The following SLC9B1 variants were observed in gnomAD, a reference collection of about 807,000 sequenced individuals.
SLC9B1 encodes sodium/hydrogen exchanger 9B1.
A neutral mutation model predicts 51.7 loss-of-function variants in SLC9B1; 32 were observed. The ratio of observed to expected loss-of-function variants is 0.62; its 90% CI spans 0.47 to 0.83. The LOEUF is 0.83. Among genes scored for constraint, SLC9B1 ranks in the 40% least tolerant of loss-of-function variants. The probability of loss-of-function intolerance (pLI) is 0.00; values close to 1 mark genes in which losing one functional copy is unlikely to be tolerated. For missense variants in SLC9B1, 406 were observed against 613.2 expected (o/e 0.66, Z 3.57); for synonymous variants, 145 against 212.7 (o/e 0.68, Z 2.77).
intron 3 of SLC9B1, chr4:102,962,838 T>C (rs1051295441): frequency 4.2e-6 from 2 of 473,254 alleles, no homozygotes; most frequent in Non-Finnish European, 8.8e-6. Flanking sequence ...TGGAAGTGGA[T>C]CAAACAATAC....
At chr4:102,938,084 G>A (rs1213084236) in intron 6 of SLC9B1, among the ~76,000 whole-genome samples, 3 of 152,146 alleles carry the variant, frequency 2.0e-5, no homozygotes, top group Non-Finnish European at 2.9e-5. Context: ...AGAATGGCAA[G>A]TTGGATAAAG....
At chr4:102,965,822 A>T (rs1578386731) in intron 3 of SLC9B1, among the ~76,000 whole-genome samples, 1 of 152,206 alleles carries the variant, frequency 6.6e-6, no homozygotes, top group Non-Finnish European at 1.5e-5. Flanking sequence ...TCCAAGATAC[A>T]ATGGTGGAAT....
intron 11 of SLC9B1, chr4:102,888,340 T>G (rs1451105353): frequency 6.6e-6 from 1 of 152,156 alleles, no homozygotes; most frequent in Non-Finnish European, 1.5e-5. Context: ...CTGCCCATAC[T>G]CAAGTCCCAC....
At chr4:102,992,318 C>T (rs764111526) in intron 1 of SLC9B1, among the ~76,000 whole-genome samples, 1 of 152,034 alleles carries the variant, frequency 6.6e-6, no homozygotes, top group Admixed American at 6.5e-5. Context: ...CCTCTGTAAT[C>T]TTTGCTAGCT....
At position 102,967,365 on chromosome 4, in the gene SLC9B1, C is replaced by T. The variant is rs139217769; in HGVS notation, c.212-17938G>A. 5.7e-3 allele frequency among the ~76,000 whole-genome samples: 869 copies of T among 152,336 alleles called. 7 individuals are homozygous for T. The highest frequency in any genetic ancestry group is 0.018 in the African/African-American group (768 of 41,572). ...AAATAGCAACATCCCACTCTCAGTACAAATTTTCTGTCTTAGTCCGTTTTG... is the reference window on the plus strand; with the variant it reads ...AAATAGCAACATCCCACTCTCAGTATAAATTTTCTGTCTTAGTCCGTTTTG... On this transcript the variant is annotated intron_variant, in intron 3 of 11. Transcript: ENST00000296422.
At chr4:102,969,185 T>G (rs935788203) in intron 3 of SLC9B1, among the ~76,000 whole-genome samples, 2 of 152,200 alleles carry the variant, frequency 1.3e-5, no homozygotes, top group African/African-American at 4.8e-5. Context: ...AGAGCAGTGG[T>G]TCTCCACCAT....
At chr4:103,015,199 A>G (rs940542615) in intron 1 of SLC9B1, among the ~76,000 whole-genome samples, 2 of 151,900 alleles carry the variant, frequency 1.3e-5, no homozygotes, top group Admixed American at 1.3e-4. Flanking sequence ...CAAGCCCAAA[A>G]TTGAATAAGT....
At chr4:102,916,947 T>C (rs1735603655) in intron 7 of SLC9B1, among the ~76,000 whole-genome samples, 1 of 152,170 alleles carries the variant, frequency 6.6e-6, no homozygotes, top group Non-Finnish European at 1.5e-5. Context: ...GAATGATGGA[T>C]GAGTTAGTGG....
chr4:102,949,374 C>T lies in SLC9B1; in HGVS notation c.265G>A (p.Ala89Thr). The T allele has an allele frequency of 1.9e-6, 3 of 1,610,380 alleles. No homozygotes were observed. The highest frequency in any genetic ancestry group is 8.5e-7 in the Non-Finnish European group (1 of 1,179,228). The change falls in exon 4 of 12, where the codon GCT becomes ACT. Residue 89 changes from alanine to threonine, a missense_variant. This residue lies in a region of SLC9B1 where 250 missense variants were observed against 394.1 expected (regional missense o/e 0.63). Coordinates refer to ENST00000296422, the MANE Select transcript of SLC9B1 (RefSeq NM_139173.4). ...CCAAATAAATTTCCACCAGGGAGAG[C>T]TTCAGAGCCTAAGATTGACCAGGTC... ...CMTWSILGSE[A>T]LPGGNLFGLF...
intron 3 of SLC9B1, among the ~76,000 whole-genome samples, chr4:102,975,584 ATATTTTTTTTT>A (rs1246586403): frequency 2.5e-4 from 20 of 80,164 alleles, no homozygotes; most frequent in East Asian, 3.7e-4. Context: ...ATATATATAT[ATATTTTTTTTT>A]TTTTTTTTTT....
rs3974480 is a variant in SLC9B1 at position 102,977,297 on chromosome 4, TAAAAAA to T, written c.211+12497_211+12502del. Among the ~76,000 whole-genome samples the T allele has an allele frequency of 1.6e-3, 208 of 129,332 alleles. 1 individual carries two copies. The highest frequency in any genetic ancestry group is 5.3e-3 in the African/African-American group (194 of 36,842). The allele number at this position is 129,332 out of a possible 152,430, so 84.8% of individuals were successfully genotyped here. On this transcript the variant is annotated intron_variant, in intron 3 of 11. Coordinates refer to ENST00000296422, the MANE Select transcript of SLC9B1 (RefSeq NM_139173.4). ...GTATAACTGAGACAATATTATAACT[TAAAAAA>T]AAAAAAAAAAAAACAGAAAAAAAGG...
rs555561722 is a variant in SLC9B1, at chr4:102,906,799, T to C, written c.1087-155A>G. On this transcript the variant is annotated intron_variant, in intron 9 of 11. Coordinates refer to ENST00000296422, the MANE Select transcript of SLC9B1 (RefSeq NM_139173.4). Reference sequence around the variant, plus strand: ...AGGCTGGAGTGTAGTGGCATAATCATAGCTCACTGTAGCCTTGAACTCCTG... The same window carrying C: ...AGGCTGGAGTGTAGTGGCATAATCACAGCTCACTGTAGCCTTGAACTCCTG... Among the ~76,000 whole-genome samples, 148 of 152,116 alleles carry C rather than the reference T, an allele frequency of 9.7e-4. 1 individual carries two copies. The South Asian group carries it at 0.015, about 15-fold the overall frequency.
intron 3 of SLC9B1, among the ~76,000 whole-genome samples, chr4:102,986,724 C>T (rs1739644415): frequency 6.6e-6 from 1 of 152,110 alleles, no homozygotes; most frequent in African/African-American, 2.4e-5. Flanking sequence ...TATTCTCAAG[C>T]CCGGAGATTC....
intron 1 of SLC9B1, among the ~76,000 whole-genome samples, chr4:103,006,034 G>A (rs1039237653): frequency 6.6e-6 from 1 of 151,958 alleles, no homozygotes; most frequent in Non-Finnish European, 1.5e-5. Flanking sequence ...ACGGCTAGAA[G>A]AAATAGAAAA....
intron 3 of SLC9B1, among the ~76,000 whole-genome samples, chr4:102,988,531 T>C (rs1232017710): frequency 4.6e-5 from 7 of 152,160 alleles, no homozygotes; most frequent in Non-Finnish European, 1.0e-4. Flanking sequence ...ACTTATTCCA[T>C]GATGCGGCAG....
chr4:102,938,009 C>T (rs1172453410), intron 6 of SLC9B1, among the ~76,000 whole-genome samples: 2 of 151,962 alleles, frequency 1.3e-5, no homozygotes, highest in African/African-American at 4.8e-5. Flanking sequence ...ATGACAGGAC[C>T]AAAGCTATAA....
At chr4:102,930,206 A>G (rs1736381306) in intron 7 of SLC9B1, among the ~76,000 whole-genome samples, 1 of 152,196 alleles carries the variant, frequency 6.6e-6, no homozygotes, top group African/African-American at 2.4e-5. Flanking sequence ...ATTAGCAAAG[A>G]TGAAAAAGGC....
chr4:102,904,069 T>G (rs1481567912), intron 11 of SLC9B1, among the ~76,000 whole-genome samples: 3 of 152,132 alleles, frequency 2.0e-5, no homozygotes. Flanking sequence ...TTACTTTTTT[T>G]TTTTTTGGAG....
intron 3 of SLC9B1, among the ~76,000 whole-genome samples, chr4:102,966,190 G>T (rs927935203): frequency 6.6e-5 from 10 of 152,224 alleles, no homozygotes; most frequent in African/African-American, 2.4e-4. Context: ...CCCTGGTACA[G>T]ACTCTTTGTG....
Sources: allele counts gnomAD v4.1 joint callset (sites outside exome capture counted in the v4.1 genomes callset), GRCh38; gene constraint gnomAD v4.1.1; regional missense constraint gnomAD v4.1.1; transcripts MANE v1.5; gene names NCBI Gene and HGNC (gene_info 2026-07-23, HGNC 2026-07-21).